GRWD1: variants seen among roughly 807,000 people sequenced by gnomAD.
GRWD1 encodes the protein glutamate-rich WD repeat-containing protein 1.
GRWD1 carries 29 observed loss-of-function variants against 45.3 expected under a neutral mutation model. The observed-to-expected ratio is 0.64, with a 90% CI of 0.48 to 0.87. The LOEUF is 0.87. GRWD1 is among the 40% of genes least tolerant of loss of function. The pLI is 0.00. For synonymous variants in GRWD1, 262 were observed against 257.6 expected (o/e 1.02, Z -0.16); for missense variants, 592 against 618.8 (o/e 0.96, Z 0.46).
intron 3 of GRWD1, among the ~76,000 whole-genome samples, chr19:48,449,356 T>C (rs999448568): frequency 4.6e-5 from 7 of 152,108 alleles, no homozygotes; most frequent in Non-Finnish European, 1.0e-4. Context: ...CCTCCCAAAG[T>C]GCTGGGATTA....
chr19:48,446,341 T>C, intron 1 of GRWD1, 44 bp from the exon 2 acceptor site: 1 of 1,583,980 alleles, frequency 6.3e-7, no homozygotes, highest in Non-Finnish European at 8.7e-7. Flanking sequence ...GACTGAGCTC[T>C]TACTGTCCCG....
At chr19:48,448,291 TC>T (rs1408700497) in intron 3 of GRWD1, among the ~76,000 whole-genome samples, 1 of 152,174 alleles carries the variant, frequency 6.6e-6, no homozygotes, top group African/African-American at 2.4e-5. Flanking sequence ...CATCTTCTGA[TC>T]AGGTAGACTT....
rs760601763 is a variant in GRWD1, at chr19:48,452,965, A to C, written c.1281A>C (p.Pro427=). 3 of 1,611,166 alleles carry C rather than the reference A, an allele frequency of 1.9e-6. No homozygotes were observed. Among genetic ancestry groups the C allele is most frequent in the Non-Finnish European group, 1.7e-6 (2 of 1,179,012 alleles). Residue 427 remains proline, a synonymous_variant, in exon 7 of 7, where the codon CCA becomes CCC. Coordinates refer to ENST00000253237, the MANE Select transcript of GRWD1 (RefSeq NM_031485.4). This position sits in a 1 kb window ranked among gnomAD's most constrained non-coding sequence, Gnocchi z 5.1. ...AGCTGCACTGGCACCCGCAGTGCCC[A>C]GGGCTCCTGGTCAGCACGGCGCTGT... The part of the protein sequence containing the change: ...LKELHWHPQC[P]GLLVSTALSG...
At chr19:48,448,783 C>G (rs1390750288) in intron 3 of GRWD1, among the ~76,000 whole-genome samples, 1 of 152,070 alleles carries the variant, frequency 6.6e-6, no homozygotes, top group African/African-American at 2.4e-5. Context: ...CTGTCTGGAG[C>G]AGAATGAACA....
In GRWD1 at chr19:48,453,385, T is replaced by C. The variant is rs1161337165; in HGVS notation, c.*360T>C. ...CGGAGTCTTGGTCTGTCGCCCAGGC[T>C]GGAGTGCAGTAGCACGATCTTGGCT... On this transcript the variant is annotated 3_prime_UTR_variant, in exon 7 of 7. Transcript: ENST00000253237. 1.1e-5 allele frequency: 2 copies of C among 188,596 alleles called. No individual in the cohort carries two copies. Among genetic ancestry groups the C allele is most frequent in the Admixed American group, 1.2e-4 (2 of 17,004 alleles). The allele number at this position is 188,596 out of a possible 1,614,324, so 11.7% of individuals were successfully genotyped here.
At position 48,450,942 on chromosome 19, in the gene GRWD1, G is replaced by C. The variant is rs1409644700; in HGVS notation, c.826-92G>C. 8 of 1,509,186 alleles carry C rather than the reference G, an allele frequency of 5.3e-6. No individual in the cohort carries two copies. Among genetic ancestry groups the C allele is most frequent in the Non-Finnish European group, 6.3e-6 (7 of 1,107,300 alleles). The allele number at this position is 1,509,186 out of a possible 1,614,324, so 93.5% of individuals were successfully genotyped here. On this transcript the variant is annotated intron_variant, in intron 5 of 6. Coordinates refer to ENST00000253237, the MANE Select transcript of GRWD1 (RefSeq NM_031485.4). This position sits in a 1 kb window ranked among gnomAD's most constrained non-coding sequence, Gnocchi z 5.1. ...TTTCCAGGCCAAGTCATAGTAAGGGGAACAGTGAAAGAGAGAGTAGCCCAC... is the reference window on the plus strand; with the variant it reads ...TTTCCAGGCCAAGTCATAGTAAGGGCAACAGTGAAAGAGAGAGTAGCCCAC...
intron 3 of GRWD1, among the ~76,000 whole-genome samples, chr19:48,448,803 A>G (rs1971439565): frequency 1.3e-5 from 2 of 152,252 alleles, no homozygotes; most frequent in South Asian, 4.1e-4. Context: ...AAAAGGGAGA[A>G]TGACACAATT....
chr19:48,446,342 T>C, intron 1 of GRWD1, 43 bp from the exon 2 acceptor site: 1 of 1,583,828 alleles, frequency 6.3e-7, no homozygotes, highest in Non-Finnish European at 8.7e-7. Context: ...ACTGAGCTCT[T>C]ACTGTCCCGT....
chr19:48,451,745 C>A (rs1971478075), intron 6 of GRWD1, among the ~76,000 whole-genome samples: 1 of 152,222 alleles, frequency 6.6e-6, no homozygotes, highest in Non-Finnish European at 1.5e-5. Context: ...GACAAAGCCG[C>A]AGCTTTGTGT....
rs1316374640 is a variant in GRWD1 at position 48,454,878 on chromosome 19, CCATCTCTCTCT to C, written c.*1854_*1864del. The C allele has an allele frequency of 6.6e-6, 1 of 151,910 alleles. No homozygotes were observed. Among genetic ancestry groups the C allele is most frequent in the Non-Finnish European group, 1.5e-5 (1 of 68,016 alleles). The allele number at this position is 151,910 out of a possible 1,614,324, so 9.4% of individuals were successfully genotyped here. A position where few individuals can be genotyped will look rare whatever the true frequency, so the allele number is the denominator to read the frequency against. ...TCTCTCTCCCCCATCTCTGTCTCTCCCATCTCTCTCTGCCTCTCTCTGTCTTCACAATTTCA... is the reference window on the plus strand; with the variant it reads ...TCTCTCTCCCCCATCTCTGTCTCTCCGCCTCTCTCTGTCTTCACAATTTCA... On this transcript the variant is annotated 3_prime_UTR_variant, in exon 7 of 7. Transcript: ENST00000253237.
chr19:48,446,730 T>C lies in GRWD1; in HGVS notation c.355T>C (p.Ser119Pro). The C allele has an allele frequency of 1.9e-6, 3 of 1,612,848 alleles. No homozygotes were observed. The highest frequency in any genetic ancestry group is 2.5e-6 in the Non-Finnish European group (3 of 1,179,434). ...HNLHGTKPPP[S>P]EGSDEEEEEE... ...TCTGCATGGGACAAAGCCCCCACCC[T>C]CAGAGGGCAGTGATGAAGAAGAAGA... is the stretch of plus-strand genomic sequence containing the variant. The change falls in exon 3 of 7, where the codon TCA becomes CCA. Residue 119 changes from serine (S) to proline (P), a missense_variant. Ser to Pro is a moderately conservative substitution (Grantham distance 74). Transcript: ENST00000253237.
At position 48,446,116 on chromosome 19, in the gene GRWD1, G is replaced by A. The variant is rs1194686429; in HGVS notation, c.111G>A (p.Arg37=). 4 of 1,602,502 alleles carry A rather than the reference G, an allele frequency of 2.5e-6. No homozygotes were observed. The highest frequency in any genetic ancestry group is 3.4e-6 in the Non-Finnish European group (4 of 1,176,628). The change falls in exon 1 of 7, where the codon CGG becomes CGA. Residue 37 remains arginine (R), a synonymous_variant. Transcript: ENST00000253237. ...CGGCCCAGGTCTACCTGCCCGGCCG[G>A]GGGCCGCCGCTACGCGAAGGGGAGG... The part of the protein sequence containing the change: ...EGPAQVYLPG[R]GPPLREGEEL...
At position 48,455,633 on chromosome 19, in the gene GRWD1, T is replaced by C. The variant is rs1309198313; in HGVS notation, c.*2608T>C. 2 of 152,164 alleles carry C rather than the reference T, an allele frequency of 1.3e-5. No individual in the cohort carries two copies. The highest frequency in any genetic ancestry group is 4.8e-5 in the African/African-American group (2 of 41,428). 9.4% of individuals were successfully genotyped at this position (152,164 alleles called of 1,614,324 possible). ...GCCGCAGATGGCCCCCTGGTGAAGG[T>C]TCCCGTTGGCTTTGGGAAGTAGACA... On this transcript the variant is annotated 3_prime_UTR_variant, in exon 7 of 7. Coordinates refer to ENST00000253237, the MANE Select transcript of GRWD1 (RefSeq NM_031485.4).
In GRWD1 at chr19:48,450,581, A is replaced by C; in HGVS notation, c.682+55A>C. 2 of 1,610,516 alleles carry C rather than the reference A, an allele frequency of 1.2e-6. No homozygotes were observed. The highest frequency in any genetic ancestry group is 1.7e-6 in the Non-Finnish European group (2 of 1,177,708). ...GGAGGTCGGGGGAGCAGGGTCTGCA[A>C]CAAGGGGCCGGGCGCTTAGACTCCA... On this transcript the variant is annotated intron_variant, in intron 4 of 6. Transcript: ENST00000253237. The surrounding 1 kb of genome is among the most constrained non-coding windows in gnomAD (Gnocchi z 5.1).
chr19:48,451,779 T>C (rs994095681), intron 6 of GRWD1, among the ~76,000 whole-genome samples: 6 of 152,186 alleles, frequency 3.9e-5, no homozygotes, highest in Non-Finnish European at 8.8e-5. Context: ...CGGGCTGCCA[T>C]GATGTCATCC....
chr19:48,446,934 C>A lies in GRWD1; in HGVS notation c.468+91C>A, dbSNP rs149669590. 1,555 of 606,098 alleles carry A rather than the reference C, an allele frequency of 2.6e-3. 27 individuals carry two copies. The highest frequency in any genetic ancestry group is 3.6e-3 in the Non-Finnish European group (1,460 of 409,134). The allele number at this position is 606,098 out of a possible 1,614,324, so 37.5% of individuals were successfully genotyped here. A position where few individuals can be genotyped will look rare whatever the true frequency, so the allele number is the denominator to read the frequency against. On this transcript the variant is annotated intron_variant, in intron 3 of 6. Coordinates refer to ENST00000253237, the MANE Select transcript of GRWD1 (RefSeq NM_031485.4). The stretch of plus-strand genomic sequence containing the variant: ...ATAACTCCCAACACCTCCTCATGTT[C>A]TTTTTTTTTTTTTTTTTTTTGAGAC...
intron 1 of GRWD1, 46 bp downstream of exon 1, chr19:48,446,238 A>G: frequency 1.9e-6 from 3 of 1,577,390 alleles, no homozygotes; most frequent in Middle Eastern, 3.4e-4. Flanking sequence ...GCTGATCCCG[A>G]GCCTTTAACC....
chr19:48,452,833 G>T lies in GRWD1; in HGVS notation c.1149G>T (p.Leu383=). 6.2e-7 allele frequency: 1 copy of T among 1,613,702 alleles called. No homozygotes were observed. Among genetic ancestry groups the T allele is most frequent in the Non-Finnish European group, 8.5e-7 (1 of 1,179,840 alleles). Residue 383 remains leucine (L), a synonymous_variant, in exon 7 of 7, where the codon CTG becomes CTT. Transcript: ENST00000253237. The surrounding 1 kb of genome is among the most constrained non-coding windows in gnomAD (Gnocchi z 5.1). The stretch of plus-strand genomic sequence containing the variant: ...ACCACCAGATCACACAGTGGGACCT[G>T]GCAGTGGAGCGGGACCCTGAGGCGG... ...GADHQITQWD[L]AVERDPEAGD... is the part of the protein sequence containing the mutation.
Position 48,453,030 on chromosome 19 carries a change from T to C in GRWD1, c.*5T>C. On this transcript the variant is annotated 3_prime_UTR_variant, in exon 7 of 7. Transcript: ENST00000253237. Reference sequence around the variant, plus strand: ...TTCCGCACCATCAGCGTCTGAGGCGTCCCACTGGCTCTGATCTTGCTTCCT... The same window carrying C: ...TTCCGCACCATCAGCGTCTGAGGCGCCCCACTGGCTCTGATCTTGCTTCCT... 6.4e-7 allele frequency: 1 copy of C among 1,564,266 alleles called. No individual in the cohort carries two copies. The highest frequency in any genetic ancestry group is 8.7e-7 in the Non-Finnish European group (1 of 1,150,736).
Sources: gnomAD v4.1 joint callset for allele counts (sites outside exome capture counted in the v4.1 genomes callset) on GRCh38, gnomAD v4.1.1 for gene constraint, Gnocchi (gnomAD v3.1) non-coding constraint, MANE v1.5 for transcripts, NCBI Gene and HGNC (gene_info 2026-07-23, HGNC 2026-07-21) for gene names.